The following TENT4B variants were observed in gnomAD, a reference collection of about 807,000 sequenced individuals.
TENT4B encodes terminal nucleotidyltransferase 4B.
A neutral mutation model predicts 75.0 loss-of-function variants in TENT4B; 10 were observed. The ratio of observed to expected loss-of-function variants is 0.13; its 90% CI spans 0.08 to 0.23. TENT4B has a LOEUF of 0.23. Among genes scored for constraint, TENT4B ranks in the 10% least tolerant of loss-of-function variants. The pLI is 1.00. For synonymous variants in TENT4B, 350 were observed against 357.7 expected (o/e 0.98, Z 0.24); for missense variants, 579 against 893.8 (o/e 0.65, Z 4.49).
intron 7 of TENT4B, 72 bp downstream of exon 7, chr16:50,223,459 T>G: frequency 2.0e-6 from 2 of 993,394 alleles, no homozygotes; most frequent in South Asian, 3.7e-5. Flanking sequence ...TACTTTAAAT[T>G]CTCTTTAGAT....
chr16:50,214,612 C>T (rs1177686571), intron 3 of TENT4B, among the ~76,000 whole-genome samples: 6 of 151,996 alleles, frequency 3.9e-5, no homozygotes, highest in South Asian at 2.1e-4. Context: ...GCCGAGATCG[C>T]GCCACTGCAC....
At chr16:50,154,408 C>G (rs2037847684) in intron 1 of TENT4B, 149 bp downstream of exon 1, 3 of 1,239,056 alleles carry the variant, frequency 2.4e-6, no homozygotes, top group Non-Finnish European at 3.1e-6. Flanking sequence ...CTGGCCATCC[C>G]CAACCCCCCA....
In TENT4B at chr16:50,214,339, G is replaced by T. The variant is rs9936220; in HGVS notation, c.809+72G>T. On this transcript the variant is annotated intron_variant, in intron 3 of 11. Coordinates refer to ENST00000561678, the MANE Select transcript of TENT4B (RefSeq NM_001365324.3). ...TCATTTTGGCTGTCAAATTTGTAAGGAGTAGAAACAAAACAAATTTATAAA... is the reference window on the plus strand; with the variant it reads ...TCATTTTGGCTGTCAAATTTGTAAGTAGTAGAAACAAAACAAATTTATAAA... 5,121 of 1,246,008 alleles carry T rather than the reference G, an allele frequency of 4.1e-3. 175 individuals are homozygous for T. In the African/African-American group the frequency reaches 0.07, roughly 17 times the overall value. 77.2% of individuals were successfully genotyped at this position (1,246,008 alleles called of 1,614,324 possible).
At chr16:50,152,915 C>G, upstream of TENT4B, 1 of 1,471,390 alleles carries the variant, frequency 6.8e-7, no homozygotes, top group Non-Finnish European at 9.0e-7. Context: ...AGTGGCACCT[C>G]CCACAACGCG....
chr16:50,157,806 C>T (rs1383931585), intron 1 of TENT4B, among the ~76,000 whole-genome samples: 2 of 151,394 alleles, frequency 1.3e-5, no homozygotes, highest in East Asian at 3.9e-4. Flanking sequence ...TGCTCTGTCG[C>T]TCAGGCTGGA....
chr16:50,156,051 G>C (rs899398694), intron 1 of TENT4B, among the ~76,000 whole-genome samples: 1 of 151,984 alleles, frequency 6.6e-6, no homozygotes, highest in Non-Finnish European at 1.5e-5. Flanking sequence ...AGATGTTCTT[G>C]TTCCTGATTC....
Position 50,211,392 on chromosome 16 carries a change from G to A in TENT4B, c.708G>A (p.Met236Ile). The change falls in exon 2 of 12, where the codon ATG (methionine) becomes ATA (isoleucine). Residue 236 changes from methionine to isoleucine, a missense_variant. Transcript: ENST00000561678. ...GACCTGAGGAGGAGAAGATGCGGAT[G>A]GAGGTGGTGAACAGGATCGAGAGTG... ...SPRPEEEKMR[M>I]EVVNRIESVI... 6.2e-7 allele frequency: 1 copy of A among 1,608,494 alleles called. No individual in the cohort carries two copies. Among genetic ancestry groups the A allele is most frequent in the Non-Finnish European group, 8.5e-7 (1 of 1,178,598 alleles).
intron 1 of TENT4B, among the ~76,000 whole-genome samples, chr16:50,162,445 C>A (rs1051765910): frequency 1.3e-5 from 2 of 152,058 alleles, no homozygotes; most frequent in Non-Finnish European, 2.9e-5. Context: ...ATGAGATATC[C>A]AGTTTCTCTG....
At chr16:50,153,183 T>TGGGGGGGGGGGGGGGGGGGGGG (rs760198722), upstream of TENT4B, among the ~76,000 whole-genome samples, 1 of 21,120 alleles carries the variant, frequency 4.7e-5, no homozygotes, top group Admixed American at 4.3e-4. Flanking sequence ...GGCGGGGCGG[T>TGGGGGGGGGGGGGGGGGGGGGG]GGGGGGGGGG....
At position 50,233,071 on chromosome 16, in the gene TENT4B, T is replaced by C. The variant is rs1052485355; in HGVS notation, c.*3743T>C. The C allele has an allele frequency of 1.7e-5, 17 of 984,750 alleles. No individual in the cohort carries two copies. Among genetic ancestry groups the C allele is most frequent in the Non-Finnish European group, 1.9e-5 (16 of 829,368 alleles). 61.0% of individuals were successfully genotyped at this position (984,750 alleles called of 1,614,324 possible). On this transcript the variant is annotated 3_prime_UTR_variant, in exon 12 of 12. Transcript: ENST00000561678. ...GGAAAGGCACATTCTCAAAGTATTT[T>C]ATGAGCAAAATATTCTATAAATGCG...
At position 50,230,324 on chromosome 16, in the gene TENT4B, C is replaced by T; in HGVS notation, c.*996C>T. On this transcript the variant is annotated 3_prime_UTR_variant, in exon 12 of 12. Coordinates refer to ENST00000561678, the MANE Select transcript of TENT4B (RefSeq NM_001365324.3). ...GGAAAAAAAAAAAAAAAAAGGTCAC[C>T]CATGTCTGGTCTCATTCCTGTTGCA... 1.0e-6 allele frequency: 1 copy of T among 978,864 alleles called. No homozygotes were observed. Among genetic ancestry groups the T allele is most frequent in the South Asian group, 4.7e-5 (1 of 21,126 alleles). The allele number at this position is 978,864 out of a possible 1,614,324, so 60.6% of individuals were successfully genotyped here.
rs2150756516 is a variant in TENT4B at position 50,232,027 on chromosome 16, C to T, written c.*2699C>T. 1 of 985,276 alleles carries T rather than the reference C, an allele frequency of 1.0e-6. No homozygotes were observed. The highest frequency in any genetic ancestry group is 4.7e-5 in the South Asian group (1 of 21,282). 61.0% of individuals were successfully genotyped at this position (985,276 alleles called of 1,614,324 possible). ...ATGGGATTTTACAAATTCTCCCTCA[C>T]TCTGGTGACATTTCTCAGGCAGTCA... On this transcript the variant is annotated 3_prime_UTR_variant, in exon 12 of 12. Transcript: ENST00000561678.
At chr16:50,194,203 T>C (rs1227325919) in intron 1 of TENT4B, among the ~76,000 whole-genome samples, 1 of 142,898 alleles carries the variant, frequency 7.0e-6, no homozygotes, top group Non-Finnish European at 1.5e-5. Flanking sequence ...TGTTCTTTCT[T>C]TCTCTTTTCT....
chr16:50,205,149 T>C (rs1360069481), intron 1 of TENT4B, among the ~76,000 whole-genome samples: 1 of 152,190 alleles, frequency 6.6e-6, no homozygotes, highest in Non-Finnish European at 1.5e-5. Flanking sequence ...ACCCCCCCAG[T>C]CCCTCTTCGG....
rs1483281916 is a variant in TENT4B at position 50,154,200 on chromosome 16, C to G, written c.579C>G (p.Gly193=). The change falls in exon 1 of 12, where the codon GGC becomes GGG. Residue 193 remains glycine, a synonymous_variant. Coordinates refer to ENST00000561678, the MANE Select transcript of TENT4B (RefSeq NM_001365324.3). Reference sequence around the variant, plus strand: ...CGGGGGGCGGCCGAGCAGACGGCGGCGGGGTCGTGTACAGCGGGACCCCGT... The same window carrying G: ...CGGGGGGCGGCCGAGCAGACGGCGGGGGGGTCGTGTACAGCGGGACCCCGT... ...RAAGGGRADG[G]GVVYSGTPWK... 1 of 1,503,304 alleles carries G rather than the reference C, an allele frequency of 6.7e-7. No homozygotes were observed. Among genetic ancestry groups the G allele is most frequent in the Non-Finnish European group, 8.8e-7 (1 of 1,133,688 alleles). The allele number at this position is 1,503,304 out of a possible 1,614,324, so 93.1% of individuals were successfully genotyped here. A position where few individuals can be genotyped will look rare whatever the true frequency, so the allele number is the denominator to read the frequency against.
rs922385985 is a variant in TENT4B, at chr16:50,227,834, G to T, written c.1801-5G>T. 1.9e-5 allele frequency: 31 copies of T among 1,613,774 alleles called. No homozygotes were observed. Among genetic ancestry groups the T allele is most frequent in the Admixed American group, 3.3e-5 (2 of 59,990 alleles). On this transcript the variant is annotated splice_region_variant and splice_polypyrimidine_tract_variant and intron_variant, in intron 10 of 11. Transcript: ENST00000561678. Reference sequence around the variant, plus strand: ...TCACATTATAACTCACGTGACTTGTGTTAGGATTCCGATGCAACACCATGC... The same window carrying T: ...TCACATTATAACTCACGTGACTTGTTTTAGGATTCCGATGCAACACCATGC...
intron 1 of TENT4B, among the ~76,000 whole-genome samples, chr16:50,185,544 G>A (rs1465768071): frequency 6.6e-6 from 1 of 152,194 alleles, no homozygotes; most frequent in African/African-American, 2.4e-5. Context: ...GTGTAAAATG[G>A]TTGAGGGAAG....
chr16:50,228,419 C>T (rs1348776021), intron 11 of TENT4B, among the ~76,000 whole-genome samples: 2 of 152,114 alleles, frequency 1.3e-5, no homozygotes, highest in Admixed American at 6.5e-5. Context: ...GGCTGTCAGG[C>T]GTGGTCAGTT....
Position 50,189,128 on chromosome 16 carries a change from T to C in TENT4B, c.639-22195T>C, listed in dbSNP as rs141570705. Among the ~76,000 whole-genome samples the C allele has an allele frequency of 1.0e-3, 154 of 152,320 alleles. 1 individual carries two copies. Among genetic ancestry groups the C allele is most frequent in the African/African-American group, 3.6e-3 (150 of 41,576 alleles). On this transcript the variant is annotated intron_variant, in intron 1 of 11. Transcript: ENST00000561678. Reference sequence around the variant, plus strand: ...ATTGCTTGTAGGAAGGCTGTTTCCATTGAATACAAACAAAATAAAAGCTTT... The same window carrying C: ...ATTGCTTGTAGGAAGGCTGTTTCCACTGAATACAAACAAAATAAAAGCTTT...
Sources: allele counts gnomAD v4.1 joint callset (sites outside exome capture counted in the v4.1 genomes callset), GRCh38; gene constraint gnomAD v4.1.1; transcripts MANE v1.5; gene names NCBI Gene and HGNC (gene_info 2026-07-23, HGNC 2026-07-21).